The following EXT1 variants were observed in gnomAD, a reference collection of about 807,000 sequenced individuals.
EXT1 encodes exostosin glycosyltransferase 1, also known as exostosin-1.
EXT1 carries 20 observed loss-of-function variants against 82.5 expected under a neutral mutation model. That is an observed-to-expected ratio of 0.24 (90% confidence interval 0.17 to 0.35). The LOEUF (loss-of-function observed/expected upper bound fraction) is 0.35. EXT1 is among the 10% of genes least tolerant of loss of function. The pLI is 1.00. For synonymous variants in EXT1, 348 were observed against 350.8 expected, an observed-to-expected ratio of 0.99 and a Z score of 0.09; for missense variants, 757 against 936.5, an observed-to-expected ratio of 0.81 and a Z score of 2.50.
At chr8:117,983,803 G>A (rs1015173653) in intron 1 of EXT1, among the ~76,000 whole-genome samples, 7 of 152,166 alleles carry the variant, frequency 4.6e-5, no homozygotes, top group African/African-American at 1.2e-4. Context: ...CAGAGGCAGC[G>A]TTCTTAGGTA....
intron 1 of EXT1, among the ~76,000 whole-genome samples, chr8:117,893,314 A>C (rs1813280358): frequency 6.6e-6 from 1 of 152,246 alleles, no homozygotes; most frequent in African/African-American, 2.4e-5. Flanking sequence ...GCATTTTCCA[A>C]TCTATCAACA....
At chr8:117,932,294 C>T (rs1241155345) in intron 1 of EXT1, among the ~76,000 whole-genome samples, 1 of 152,074 alleles carries the variant, frequency 6.6e-6, no homozygotes, top group African/African-American at 2.4e-5. Context: ...TTCAACTTAA[C>T]CAAATGCTGG....
At chr8:117,818,578 G>A (rs775166104) in intron 6 of EXT1, 48 bp from the exon 7 acceptor site, 8 of 1,437,256 alleles carry the variant, frequency 5.6e-6, no homozygotes, top group Admixed American at 3.3e-5. Context: ...ATGTATTTAT[G>A]TATGCCTCCA....
intron 5 of EXT1, 38 bp downstream of exon 5, chr8:117,822,427 G>A (rs1295900245): frequency 1.2e-6 from 2 of 1,609,378 alleles, no homozygotes; most frequent in South Asian, 1.1e-5. Flanking sequence ...ACATCTTCAG[G>A]GTAAACAAGG....
intron 1 of EXT1, among the ~76,000 whole-genome samples, chr8:118,073,874 C>T (rs1046678974): frequency 6.6e-6 from 1 of 152,138 alleles, no homozygotes; most frequent in Non-Finnish European, 1.5e-5. Context: ...TATGGATTTC[C>T]TTCTCTCATC....
intron 1 of EXT1, among the ~76,000 whole-genome samples, chr8:117,838,217 A>AT (rs901895976): frequency 3.0e-4 from 45 of 152,288 alleles, no homozygotes; most frequent in Middle Eastern, 3.4e-3. Context: ...AGAGCTTCCA[A>AT]TGCTGAGCAG....
intron 1 of EXT1, among the ~76,000 whole-genome samples, chr8:117,982,759 T>C (rs1815235806): frequency 6.6e-6 from 1 of 152,194 alleles, no homozygotes; most frequent in Non-Finnish European, 1.5e-5. Flanking sequence ...CCCAAAGTGC[T>C]GGGATTACAG....
intron 1 of EXT1, among the ~76,000 whole-genome samples, chr8:117,938,555 T>C (rs552345814): frequency 6.6e-6 from 1 of 152,346 alleles, no homozygotes; most frequent in South Asian, 2.1e-4. Context: ...CAGTCCCATG[T>C]GGCTTATGGC....
Position 118,013,032 on chromosome 8 carries a change from A to C in EXT1, c.962+97053T>G, listed in dbSNP as rs142135731. 2.0e-5 allele frequency among the ~76,000 whole-genome samples: 3 copies of C among 151,930 alleles called. No individual in the cohort carries two copies. The East Asian group carries it at 5.8e-4, about 29-fold the overall frequency. ...AAAGGTGAACTACTTCTATGTGTTC[A>C]CTGATGTTTTTTTTTTCTTTGAGAC... On this transcript the variant is annotated intron_variant, in intron 1 of 10. Coordinates refer to ENST00000378204, the MANE Select transcript of EXT1 (RefSeq NM_000127.3).
intron 1 of EXT1, among the ~76,000 whole-genome samples, chr8:118,029,525 G>C (rs1816268765): frequency 6.6e-6 from 1 of 152,162 alleles, no homozygotes; most frequent in East Asian, 1.9e-4. Context: ...AGGTAGATCT[G>C]AGACTAAATT....
intron 3 of EXT1, 121 bp from the exon 4 acceptor site, chr8:117,830,470 T>G (rs17503398): frequency 9.2e-7 from 1 of 1,085,466 alleles, no homozygotes; most frequent in South Asian, 1.6e-5. Context: ...AGCATATAGA[T>G]CTACTAAAAA....
Position 118,078,133 on chromosome 8 carries a change from CACAACTCACTATGTATCTGTTGAAGAAGA to C in EXT1, c.962+31923_962+31951del, listed in dbSNP as rs1198056620. Among the ~76,000 whole-genome samples, 6 of 152,088 alleles carry C rather than the reference CACAACTCACTATGTATCTGTTGAAGAAGA, an allele frequency of 3.9e-5. No homozygotes were observed. The South Asian group carries it at 1.2e-3, about 31-fold the overall frequency. ...TATTCCTTTTCCAACTCCTTTTTTA[CACAACTCACTATGTATCTGTTGAAGAAGA>C]ACAAGGGGCATTTGACCAGATTTTT... On this transcript the variant is annotated intron_variant, in intron 1 of 10. Transcript: ENST00000378204.
chr8:117,880,143 C>G (rs1039138960), intron 1 of EXT1, among the ~76,000 whole-genome samples: 5 of 152,192 alleles, frequency 3.3e-5, no homozygotes, highest in Non-Finnish European at 7.3e-5. Flanking sequence ...AGTTTGGTCC[C>G]AGGCATGTAT....
At chr8:118,082,258 T>G (rs1308098824) in intron 1 of EXT1, among the ~76,000 whole-genome samples, 4 of 152,036 alleles carry the variant, frequency 2.6e-5, no homozygotes, top group Non-Finnish European at 5.9e-5. Flanking sequence ...GCCTGTTGTA[T>G]CCAGGGATAT....
At chr8:117,917,122 TACC>T (rs1813767292) in intron 1 of EXT1, among the ~76,000 whole-genome samples, 1 of 152,162 alleles carries the variant, frequency 6.6e-6, no homozygotes, top group Non-Finnish European at 1.5e-5. Flanking sequence ...TTTCATAAGC[TACC>T]ACAATGTAAA....
intron 1 of EXT1, among the ~76,000 whole-genome samples, chr8:117,999,658 G>C (rs1442927848): frequency 1.3e-5 from 2 of 152,160 alleles, no homozygotes; most frequent in African/African-American, 4.8e-5. Flanking sequence ...GAGCTAAAAT[G>C]AAAGGACTAT....
rs186067499 is a variant in EXT1, at chr8:117,858,481, G to A, written c.963-21280C>T. On this transcript the variant is annotated intron_variant, in intron 1 of 10. Transcript: ENST00000378204. ...GAGGTCAGGAGTTCAAGATCAGCCT[G>A]GCCAGCATGGTGAAACCCCATCTCT... is the stretch of plus-strand genomic sequence containing the variant. 1.1e-3 allele frequency among the ~76,000 whole-genome samples: 162 copies of A among 152,082 alleles called. 1 individual carries two copies. The highest frequency in any genetic ancestry group is 3.5e-3 in the Middle Eastern group (1 of 288).
intron 1 of EXT1, among the ~76,000 whole-genome samples, chr8:117,880,851 A>G (rs1813046814): frequency 6.6e-6 from 1 of 152,100 alleles, no homozygotes; most frequent in Non-Finnish European, 1.5e-5. Flanking sequence ...TCGGCCTCCC[A>G]AAGTGCTGGG....
intron 1 of EXT1, among the ~76,000 whole-genome samples, chr8:118,097,903 C>T (rs1817649324): frequency 6.6e-6 from 1 of 152,094 alleles, no homozygotes; most frequent in African/African-American, 2.4e-5. Flanking sequence ...TGAGCACATA[C>T]CAGGAGAATT....
Sources: allele counts gnomAD v4.1 joint callset (sites outside exome capture counted in the v4.1 genomes callset), GRCh38; gene constraint gnomAD v4.1.1; transcripts MANE v1.5; gene names NCBI Gene and HGNC (gene_info 2026-07-23, HGNC 2026-07-21).